The following EPB41L2 variants were observed in gnomAD, a reference collection of about 807,000 sequenced individuals.
EPB41L2 encodes the protein band 4.1-like protein 2.
Under a neutral mutation model 113.0 loss-of-function variants are expected in EPB41L2, and 43 were observed. The observed-to-expected ratio is 0.38, with a 90% CI of 0.30 to 0.49. The LOEUF is 0.49. EPB41L2 is among the 20% of genes least tolerant of loss of function. The pLI, the probability that EPB41L2 is intolerant of heterozygous loss-of-function variation, is 0.95. For missense variants in EPB41L2, 1,147 were observed against 1,223.4 expected (o/e 0.94, Z 0.93); for synonymous variants, 442 against 436.7 (o/e 1.01, Z -0.15).
At chr6:130,874,534 T>G (rs959289725) in intron 14 of EPB41L2, among the ~76,000 whole-genome samples, 1 of 152,314 alleles carries the variant, frequency 6.6e-6, no homozygotes, top group Admixed American at 6.5e-5. Context: ...AATAGTAGTA[T>G]GTTATTTAAA....
At chr6:130,974,355 C>A (rs763340787) in intron 1 of EPB41L2, among the ~76,000 whole-genome samples, 9 of 151,980 alleles carry the variant, frequency 5.9e-5, no homozygotes, top group Non-Finnish European at 1.2e-4. Flanking sequence ...TGTAAGTCAC[C>A]CAGTCTATGG....
intron 3 of EPB41L2, among the ~76,000 whole-genome samples, chr6:130,952,873 TACACA>T (rs1013702511): frequency 6.6e-6 from 1 of 151,978 alleles, no homozygotes; most frequent in Non-Finnish European, 1.5e-5. Flanking sequence ...TTGTGCTGGA[TACACA>T]ACTGTCTCCT....
At chr6:130,986,877 G>T (rs1780684482) in intron 1 of EPB41L2, among the ~76,000 whole-genome samples, 1 of 152,108 alleles carries the variant, frequency 6.6e-6, no homozygotes, top group Non-Finnish European at 1.5e-5. Flanking sequence ...AAAGAAAAAA[G>T]AAACCTCATA....
chr6:130,890,944 A>G (rs1792637616), intron 10 of EPB41L2, among the ~76,000 whole-genome samples: 1 of 152,222 alleles, frequency 6.6e-6, no homozygotes. Context: ...GTGGATCTGT[A>G]GAGATGGCTA....
At chr6:131,041,868 A>C (rs1397831960) in intron 1 of EPB41L2, among the ~76,000 whole-genome samples, 1 of 152,236 alleles carries the variant, frequency 6.6e-6, no homozygotes, top group East Asian at 1.9e-4. Context: ...GCATTTATGA[A>C]ACAACTGGAT....
At chr6:131,033,383 CTGTT>C (rs1286554996) in intron 1 of EPB41L2, among the ~76,000 whole-genome samples, 7 of 152,164 alleles carry the variant, frequency 4.6e-5, no homozygotes, top group Non-Finnish European at 1.0e-4. Flanking sequence ...GTAGAATTGT[CTGTT>C]TGTTCCCCAC....
intron 1 of EPB41L2, among the ~76,000 whole-genome samples, chr6:131,019,702 A>G (rs1789020295): frequency 6.6e-6 from 1 of 152,146 alleles, no homozygotes; most frequent in East Asian, 1.9e-4. Flanking sequence ...GTGAAATTGT[A>G]TATTATTTCT....
chr6:130,893,505 G>A (rs1793625096), intron 10 of EPB41L2, among the ~76,000 whole-genome samples: 1 of 152,230 alleles, frequency 6.6e-6, no homozygotes. Flanking sequence ...CGAGGACCAT[G>A]AGCATTTGGA....
At chr6:130,914,097 T>C (rs979916700) in intron 4 of EPB41L2, among the ~76,000 whole-genome samples, 1 of 152,216 alleles carries the variant, frequency 6.6e-6, no homozygotes, top group African/African-American at 2.4e-5. Flanking sequence ...TTGGGCACAT[T>C]CCTTGGCTTC....
intron 1 of EPB41L2, among the ~76,000 whole-genome samples, chr6:131,037,542 T>G (rs545140644): frequency 6.6e-6 from 1 of 152,032 alleles, no homozygotes; most frequent in East Asian, 1.9e-4. Context: ...TGGTAATTTT[T>G]TTTTCAAAAA....
rs1023359758 is a variant in EPB41L2, at chr6:130,866,180, G to C, written c.2731-546C>G. On this transcript the variant is annotated intron_variant, in intron 16 of 19. Coordinates refer to ENST00000337057, the MANE Select transcript of EPB41L2 (RefSeq NM_001431.4). ...TTGCATGTTGTGAGCATATATACGG[G>C]CACATATATTTCAATACTGCACATA... Among the ~76,000 whole-genome samples the C allele has an allele frequency of 2.0e-5, 3 of 152,098 alleles. No homozygotes were observed. In the East Asian group the frequency reaches 5.8e-4, roughly 29 times the overall value.
rs139631635 is a variant in EPB41L2, at chr6:130,977,754, C to T, written c.-14-21255G>A. On this transcript the variant is annotated intron_variant, in intron 1 of 19. Transcript: ENST00000337057. ...AGCTTGAGATATGCTCCCATGTTGC[C>T]AGTTAGCTACACGTATAACATAAAA... 4.1e-3 allele frequency among the ~76,000 whole-genome samples: 618 copies of T among 152,280 alleles called. 4 individuals are homozygous for T. The highest frequency in any genetic ancestry group is 0.013 in the African/African-American group (557 of 41,544).
At chr6:130,914,382 A>C (rs1800308844) in intron 4 of EPB41L2, among the ~76,000 whole-genome samples, 1 of 152,224 alleles carries the variant, frequency 6.6e-6, no homozygotes, top group East Asian at 1.9e-4. Flanking sequence ...ACCCACAAAA[A>C]GTTAATAAAT....
chr6:131,052,258 C>T (rs1251238473), intron 1 of EPB41L2, among the ~76,000 whole-genome samples: 1 of 152,080 alleles, frequency 6.6e-6, no homozygotes, highest in Non-Finnish European at 1.5e-5. Context: ...TTTTAATGGC[C>T]AAGATCCAAA....
chr6:131,043,962 G>C (rs1794928481), intron 1 of EPB41L2, among the ~76,000 whole-genome samples: 1 of 151,922 alleles, frequency 6.6e-6, no homozygotes, highest in East Asian at 1.9e-4. Flanking sequence ...AAAGGAACGG[G>C]GAATCAATAT....
At chr6:130,949,926 ATTG>A (rs550487072) in intron 3 of EPB41L2, among the ~76,000 whole-genome samples, 2 of 152,050 alleles carry the variant, frequency 1.3e-5, no homozygotes, top group African/African-American at 4.8e-5. Context: ...TCTCTACCTT[ATTG>A]TTAAGAATAC....
At chr6:130,978,032 TTC>T (rs1429151918) in intron 1 of EPB41L2, among the ~76,000 whole-genome samples, 1 of 152,192 alleles carries the variant, frequency 6.6e-6, no homozygotes, top group African/African-American at 2.4e-5. Flanking sequence ...ATCTATTTCT[TTC>T]TCAATTTGTA....
chr6:131,039,553 G>A (rs149685740), intron 1 of EPB41L2, among the ~76,000 whole-genome samples: 2 of 152,258 alleles, frequency 1.3e-5, no homozygotes, highest in African/African-American at 4.8e-5. Context: ...CAGTATCAAG[G>A]TTTCACCGTG....
At chr6:130,905,371 G>A (rs141029133) in intron 5 of EPB41L2, among the ~76,000 whole-genome samples, 2,050 of 151,410 alleles carry the variant, frequency 0.014, 37 homozygotes, top group Middle Eastern at 0.048. Context: ...TTGACTTCAA[G>A]TTCATAATAT....
Sources: allele counts gnomAD v4.1 joint callset (sites outside exome capture counted in the v4.1 genomes callset), GRCh38; gene constraint gnomAD v4.1.1; transcripts MANE v1.5; gene names NCBI Gene and HGNC (gene_info 2026-07-23, HGNC 2026-07-21).